The following HCN1 variants were observed in gnomAD, a reference collection of about 807,000 sequenced individuals.
The protein encoded by HCN1 is hyperpolarization activated cyclic nucleotide gated potassium channel 1.
In HCN1, 13 loss-of-function variants were observed where a neutral mutation model predicts 78.9. The observed-to-expected ratio is 0.16, with a 90% confidence interval of 0.11 to 0.26. The LOEUF is 0.26. Among genes scored for constraint, HCN1 ranks in the 10% least tolerant of loss-of-function variants. HCN1 has a pLI of 1.00. For missense variants in HCN1, 810 were observed against 1,154.3 expected (o/e 0.70, Z 4.32); for synonymous variants, 552 against 455.5 (o/e 1.21, Z -2.70).
At chr5:45,651,016 T>G (rs1325241086) in intron 1 of HCN1, among the ~76,000 whole-genome samples, 1 of 152,066 alleles carries the variant, frequency 6.6e-6, no homozygotes. Context: ...CAATATTTTC[T>G]CTAAATATTG....
At chr5:45,566,664 G>A (rs901117699) in intron 2 of HCN1, among the ~76,000 whole-genome samples, 39 of 152,050 alleles carry the variant, frequency 2.6e-4, no homozygotes, top group African/African-American at 9.4e-4. Flanking sequence ...TAAAATGAGA[G>A]GAAAATGGAG....
intron 2 of HCN1, among the ~76,000 whole-genome samples, chr5:45,504,504 G>T (rs969224662): frequency 6.6e-6 from 1 of 152,120 alleles, no homozygotes; most frequent in African/African-American, 2.4e-5. Flanking sequence ...TATTGTTGAT[G>T]GACATTTGGG....
Position 45,695,905 on chromosome 5 carries a change from G to A in HCN1, c.189C>T (p.Gly63=), listed in dbSNP as rs1580055249. The A allele has an allele frequency of 2.6e-6, 4 of 1,509,950 alleles. No homozygotes were observed. Among genetic ancestry groups the A allele is most frequent in the South Asian group, 2.5e-5 (2 of 80,890 alleles). 93.5% of individuals were successfully genotyped at this position (1,509,950 alleles called of 1,614,324 possible). A position where few individuals can be genotyped will look rare whatever the true frequency, so the allele number is the denominator to read the frequency against. Residue 63 remains glycine, a synonymous_variant, in exon 1 of 8, where the codon GGC becomes GGT. Transcript: ENST00000303230. The part of the protein sequence containing the change: ...HGNSVCFKVD[G]GGGGGGGGGG... Reference sequence around the variant, plus strand: ...CGCCGCCGCCGCCACCGCCGCCACCGCCGTCCACCTTGAAGCACACGGAGT... The same window carrying A: ...CGCCGCCGCCGCCACCGCCGCCACCACCGTCCACCTTGAAGCACACGGAGT...
intron 2 of HCN1, among the ~76,000 whole-genome samples, chr5:45,624,501 T>C (rs1745126143): frequency 6.6e-6 from 1 of 152,032 alleles, no homozygotes; most frequent in Admixed American, 6.6e-5. Flanking sequence ...ACCCTGAGAA[T>C]GAGCAGAGGA....
intron 1 of HCN1, among the ~76,000 whole-genome samples, chr5:45,664,233 T>C (rs1158450798): frequency 9.4e-6 from 1 of 106,470 alleles, no homozygotes; most frequent in Admixed American, 1.1e-4. Flanking sequence ...CCGCATATTC[T>C]CACTCATAGG....
At chr5:45,272,328 A>G (rs1744976292) in intron 6 of HCN1, among the ~76,000 whole-genome samples, 1 of 152,056 alleles carries the variant, frequency 6.6e-6, no homozygotes, top group Non-Finnish European at 1.5e-5. Context: ...TGTAGCTCAT[A>G]CTATCCTTTA....
At chr5:45,475,401 T>G (rs1043894535) in intron 2 of HCN1, among the ~76,000 whole-genome samples, 1 of 152,170 alleles carries the variant, frequency 6.6e-6, no homozygotes, top group African/African-American at 2.4e-5. Context: ...TCCATTGATA[T>G]TGGATCTGAC....
intron 1 of HCN1, among the ~76,000 whole-genome samples, chr5:45,694,616 G>A (rs1739970429): frequency 6.6e-6 from 1 of 152,130 alleles, no homozygotes; most frequent in Admixed American, 6.5e-5. Context: ...TTTCGAACGA[G>A]TTCGGCCAAA....
At chr5:45,386,210 G>A (rs2112030394) in intron 4 of HCN1, among the ~76,000 whole-genome samples, 1 of 143,144 alleles carries the variant, frequency 7.0e-6, no homozygotes, top group East Asian at 2.1e-4. Flanking sequence ...GGGCCTTGCT[G>A]TGTCTCCCAT....
At chr5:45,369,824 G>C (rs1212105928) in intron 4 of HCN1, among the ~76,000 whole-genome samples, 3 of 152,028 alleles carry the variant, frequency 2.0e-5, no homozygotes, top group African/African-American at 7.2e-5. Flanking sequence ...TGAGCATAAA[G>C]AAATGTAATT....
At position 45,666,917 on chromosome 5, in the gene HCN1, T is replaced by G. The variant is rs576455914; in HGVS notation, c.426-21309A>C. Among the ~76,000 whole-genome samples, 182 of 151,848 alleles carry G rather than the reference T, an allele frequency of 1.2e-3. 1 individual carries two copies. Among genetic ancestry groups the G allele is most frequent in the African/African-American group, 4.3e-3 (177 of 41,430 alleles). On this transcript the variant is annotated intron_variant, in intron 1 of 7. Transcript: ENST00000303230. ...CAAATTGGAAGATATCCAGAAAAAA[T>G]CAGGGGGGTGGGAATGATTAAGGAA...
intron 4 of HCN1, among the ~76,000 whole-genome samples, chr5:45,372,037 TA>T (rs1455245010): frequency 1.9e-5 from 1 of 53,032 alleles, no homozygotes; most frequent in Non-Finnish European, 2.9e-5. Context: ...TATAATTATA[TA>T]TATATTATAT....
chr5:45,280,160 A>T (rs1272534504), intron 6 of HCN1, among the ~76,000 whole-genome samples: 2 of 152,192 alleles, frequency 1.3e-5, no homozygotes, highest in East Asian at 3.8e-4. Context: ...CTAGCAAAAT[A>T]TAACTAAAAT....
intron 2 of HCN1, among the ~76,000 whole-genome samples, chr5:45,464,369 C>T (rs1741226113): frequency 6.6e-6 from 1 of 152,024 alleles, no homozygotes; most frequent in African/African-American, 2.4e-5. Flanking sequence ...ATAGTCATTC[C>T]CAATTCCATA....
At chr5:45,386,545 C>T (rs1049826448) in intron 4 of HCN1, among the ~76,000 whole-genome samples, 1 of 152,066 alleles carries the variant, frequency 6.6e-6, no homozygotes, top group Non-Finnish European at 1.5e-5. Flanking sequence ...TCTACTTATA[C>T]TGTGTTGCTT....
At chr5:45,304,880 T>C (rs1363412650) in intron 5 of HCN1, among the ~76,000 whole-genome samples, 1 of 152,236 alleles carries the variant, frequency 6.6e-6, no homozygotes, top group South Asian at 2.1e-4. Context: ...ATTCTGTGGA[T>C]TCTGATCAAG....
At chr5:45,306,852 T>C (rs781594519) in intron 5 of HCN1, among the ~76,000 whole-genome samples, 7 of 152,032 alleles carry the variant, frequency 4.6e-5, no homozygotes, top group Non-Finnish European at 1.0e-4. Flanking sequence ...TGAGGAAAGG[T>C]TGCTTGCTAA....
intron 3 of HCN1, among the ~76,000 whole-genome samples, chr5:45,447,066 C>A (rs186801710): frequency 1.3e-5 from 2 of 151,956 alleles, no homozygotes; most frequent in African/African-American, 4.8e-5. Context: ...ATGGACTTAA[C>A]GCTCCAATTA....
chr5:45,490,856 C>A (rs1741866476), intron 2 of HCN1, among the ~76,000 whole-genome samples: 1 of 152,046 alleles, frequency 6.6e-6, no homozygotes, highest in African/African-American at 2.4e-5. Flanking sequence ...TTCCTAAGTA[C>A]CCTTGACCTT....
Sources: gnomAD v4.1 joint callset for allele counts (sites outside exome capture counted in the v4.1 genomes callset) on GRCh38, gnomAD v4.1.1 for gene constraint, MANE v1.5 for transcripts, NCBI Gene and HGNC (gene_info 2026-07-23, HGNC 2026-07-21) for gene names.